SAMD9: variants seen among roughly 807,000 people sequenced by gnomAD.
SAMD9 encodes sterile alpha motif domain containing 9.
In SAMD9, 3 loss-of-function variants were observed where a neutral mutation model predicts 1.5. That is an observed-to-expected ratio of 2.05 (90% CI 0.93 to 5.29). The LOEUF is 5.29. SAMD9 is among the 30% of genes most tolerant of loss of function. SAMD9 has a pLI of 0.02. For synonymous variants in SAMD9, 635 were observed against 631.9 expected, an observed-to-expected ratio of 1.00 and a Z score of -0.07; for missense variants, 1,597 against 1,820.8, an observed-to-expected ratio of 0.88 and a Z score of 2.24.
Position 93,103,893 on chromosome 7 carries a change from C to T in SAMD9, c.2205G>A (p.Leu735=), listed in dbSNP as rs1225977937. 6.2e-7 allele frequency: 1 copy of T among 1,613,924 alleles called. No homozygotes were observed. Among genetic ancestry groups the T allele is most frequent in the South Asian group, 1.1e-5 (1 of 91,082 alleles). ...SKPTSTKIIH[L]YHHPGCGGTT... ...TTCCCCCACAGCCTGGATGATGATA[C>T]AGATGAATAATTTTGGTACTTGTTG... Residue 735 remains leucine (L), a synonymous_variant, in exon 3 of 3, where the codon CTG becomes CTA. Transcript: ENST00000379958.
chr7:93,112,266 T>A (rs1388013487), intron 2 of SAMD9, among the ~76,000 whole-genome samples: 1 of 152,234 alleles, frequency 6.6e-6, no homozygotes, highest in East Asian at 1.9e-4. Flanking sequence ...CCTTTCATGC[T>A]AAAAACTCTC....
chr7:93,113,113 C>T (rs866347725), intron 2 of SAMD9, among the ~76,000 whole-genome samples: 4 of 152,180 alleles, frequency 2.6e-5, no homozygotes, highest in Middle Eastern at 3.4e-3. Flanking sequence ...GAGATATAGA[C>T]CAATGGAACA....
Position 93,101,433 on chromosome 7 carries a change from G to T in SAMD9, c.4665C>A (p.Pro1555=), listed in dbSNP as rs757992368. 1.2e-6 allele frequency: 2 copies of T among 1,613,644 alleles called. No individual in the cohort carries two copies. The highest frequency in any genetic ancestry group is 1.1e-5 in the South Asian group (1 of 91,062). ...CACTTCTAAGTTGACCTAAAAAAGC[G>T]GGAGTGATGGGTATTGTGATTTTTT... ...INEKITIPIT[P]AFLGQLRSGR... Residue 1555 remains proline, a synonymous_variant, in exon 3 of 3, where the codon CCC becomes CCA. Coordinates refer to ENST00000379958, the MANE Select transcript of SAMD9 (RefSeq NM_017654.4).
Position 93,104,258 on chromosome 7 carries a change from T to C in SAMD9, c.1840A>G (p.Ile614Val), listed in dbSNP as rs770928576. The change falls in exon 3 of 3, where the codon ATC becomes GTC. Residue 614 changes from isoleucine (I) to valine (V), a missense_variant. By Grantham distance (29) the Ile-to-Val change is conservative. Around this residue, in one of 6 missense-constraint regions of SAMD9, gnomAD observed 358 missense variants for 460.4 expected, o/e 0.78. Transcript: ENST00000379958. ...QCISALSLEEINGTILKLKSV... is the reference protein window; with the variant it reads ...QCISALSLEEVNGTILKLKSV... ...TTTAGTTTAAGAATAGTGCCATTGA[T>C]CTCTTCAAGGCTTAAAGCAGAAATA... 1 of 1,613,784 alleles carries C rather than the reference T, an allele frequency of 6.2e-7. No homozygotes were observed. Among genetic ancestry groups the C allele is most frequent in the Non-Finnish European group, 8.5e-7 (1 of 1,179,786 alleles).
In SAMD9 at chr7:93,105,962, A is replaced by G. The variant is rs1311178889; in HGVS notation, c.136T>C (p.Leu46=). The change falls in exon 3 of 3, where the codon TTG becomes CTG. Residue 46 remains leucine, a synonymous_variant. Coordinates refer to ENST00000379958, the MANE Select transcript of SAMD9 (RefSeq NM_017654.4). Reference sequence around the variant, plus strand: ...AGATGTTCTTTTTTTAACCACTTCAAGACTGCTCCATTCACGTCTTGTTCA... The same window carrying G: ...AGATGTTCTTTTTTTAACCACTTCAGGACTGCTCCATTCACGTCTTGTTCA... ...LTEQDVNGAV[L]KWLKKEHLVD... is the part of the protein sequence containing the mutation. 1.2e-6 allele frequency: 2 copies of G among 1,608,660 alleles called. No individual in the cohort carries two copies. Among genetic ancestry groups the G allele is most frequent in the Non-Finnish European group, 1.7e-6 (2 of 1,177,414 alleles).
chr7:93,100,188 A>G lies in SAMD9; in HGVS notation c.*1140T>C, dbSNP rs1791504255. On this transcript the variant is annotated 3_prime_UTR_variant, in exon 3 of 3. Transcript: ENST00000379958. ...TCCTGTGAATTTCCCCTTTCTGGAT[A>G]TTGCTGATTGCATATTTGTGGTGGT... is the stretch of plus-strand genomic sequence containing the variant. 1 of 152,146 alleles carries G rather than the reference A, an allele frequency of 6.6e-6. No individual in the cohort carries two copies. The highest frequency in any genetic ancestry group is 1.5e-5 in the Non-Finnish European group (1 of 68,010). The allele number at this position is 152,146 out of a possible 1,614,324, so 9.4% of individuals were successfully genotyped here.
chr7:93,106,198 TA>T, intron 2 of SAMD9, 93 bp from the exon 3 acceptor site: 1 of 795,382 alleles, frequency 1.3e-6, no homozygotes, highest in Non-Finnish European at 1.8e-6. Context: ...TTTCAAAATT[TA>T]AAAAGCTCAA....
intron 1 of SAMD9, among the ~76,000 whole-genome samples, chr7:93,115,624 G>A (rs970638240): frequency 5.9e-5 from 9 of 152,010 alleles, no homozygotes; most frequent in Admixed American, 3.9e-4. Flanking sequence ...ATTTCATAAA[G>A]GCTTACCCTT....
chr7:93,109,690 T>C (rs1217651927), intron 2 of SAMD9, among the ~76,000 whole-genome samples: 2 of 152,006 alleles, frequency 1.3e-5, no homozygotes, highest in African/African-American at 4.8e-5. Context: ...TTCTATCAAG[T>C]GGAAGAAAGG....
rs1178024491 is a variant in SAMD9, at chr7:93,101,635, C to G, written c.4463G>C (p.Arg1488Thr). 6.2e-7 allele frequency: 1 copy of G among 1,613,832 alleles called. No homozygotes were observed. The highest frequency in any genetic ancestry group is 1.7e-5 in the Admixed American group (1 of 60,002). Residue 1488 changes from arginine to threonine, a missense_variant, in exon 3 of 3, where the codon AGA (arginine) becomes ACA (threonine). Transcript: ENST00000379958. ...IAYFFLGKGK[R>T]LERLVHKGKI... ...TCCTTTGTGAACAAGTCTTTCCAGT[C>G]TTTTACCTTTTCCAAGAAAGAAATA...
At chr7:93,109,413 C>G (rs1375454301) in intron 2 of SAMD9, among the ~76,000 whole-genome samples, 3 of 152,046 alleles carry the variant, frequency 2.0e-5, no homozygotes, top group African/African-American at 7.2e-5. Context: ...CAAAGGAATG[C>G]AACTCCTCGC....
Position 93,100,273 on chromosome 7 carries a change from A to G in SAMD9, c.*1055T>C, listed in dbSNP as rs1319059868. ...GCAAATAAGATCCAGAGACCTGATC[A>G]AATTCAGGTTTAATTATTTGGCAAG... On this transcript the variant is annotated 3_prime_UTR_variant, in exon 3 of 3. Transcript: ENST00000379958. 1 of 152,178 alleles carries G rather than the reference A, an allele frequency of 6.6e-6. No homozygotes were observed. The highest frequency in any genetic ancestry group is 1.5e-5 in the Non-Finnish European group (1 of 68,022). The allele number at this position is 152,178 out of a possible 1,614,324, so 9.4% of individuals were successfully genotyped here.
At chr7:93,110,345 G>A (rs900636515) in intron 2 of SAMD9, among the ~76,000 whole-genome samples, 2 of 152,236 alleles carry the variant, frequency 1.3e-5, no homozygotes, top group Non-Finnish European at 2.9e-5. Flanking sequence ...ACCAGCCACT[G>A]CAAAAACATG....
chr7:93,111,766 T>C (rs1184817682), intron 2 of SAMD9, among the ~76,000 whole-genome samples: 13 of 152,160 alleles, frequency 8.5e-5, no homozygotes, highest in Admixed American at 7.9e-4. Flanking sequence ...AGGAAGAAGT[T>C]GAATCCCTGA....
intron 2 of SAMD9, among the ~76,000 whole-genome samples, chr7:93,107,431 GA>G (rs1791665386): frequency 6.6e-6 from 1 of 152,084 alleles, no homozygotes; most frequent in Non-Finnish European, 1.5e-5. Context: ...ACTACTATCT[GA>G]AAAATTAATG....
Position 93,101,661 on chromosome 7 carries a change from T to C in SAMD9, c.4437A>G (p.Ala1479=), listed in dbSNP as rs1282397268. The C allele has an allele frequency of 1.2e-6, 2 of 1,613,866 alleles. No individual in the cohort carries two copies. The highest frequency in any genetic ancestry group is 1.7e-5 in the Admixed American group (1 of 60,012). The change falls in exon 3 of 3, where the codon GCA becomes GCG. Residue 1479 remains alanine, a synonymous_variant. Transcript: ENST00000379958. ...KHMHRTKQPI[A]YFFLGKGKRL... ...TTTTACCTTTTCCAAGAAAGAAATA[T>C]GCAATTGGTTGCTTTGTACGATGCA... is the stretch of plus-strand genomic sequence containing the variant.
At chr7:93,114,445 T>C (rs1471284294) in intron 2 of SAMD9, among the ~76,000 whole-genome samples, 3 of 152,154 alleles carry the variant, frequency 2.0e-5, no homozygotes, top group African/African-American at 7.2e-5. Flanking sequence ...ACTTAAAGTA[T>C]AGTTTTTTAA....
At chr7:93,113,424 C>T (rs957607624) in intron 2 of SAMD9, among the ~76,000 whole-genome samples, 1 of 152,184 alleles carries the variant, frequency 6.6e-6, no homozygotes, top group Non-Finnish European at 1.5e-5. Flanking sequence ...ACACCAAAAG[C>T]AATGGCAACA....
chr7:93,104,345 C>T lies in SAMD9; in HGVS notation c.1753G>A (p.Gly585Arg), dbSNP rs1478284015. Residue 585 changes from glycine to arginine, a missense_variant, in exon 3 of 3, where the codon GGA becomes AGA. Around this residue, in one of 6 missense-constraint regions of SAMD9, gnomAD observed 358 missense variants for 460.4 expected, o/e 0.78. Transcript: ENST00000379958. ...CTTGCTTCAAGTAGATCTTTCCATC[C>T]CTGAAATATGTGTGGGTGCACACAA... ...CICVHPHIFQGWKDLLEARLI... is the reference protein window; with the variant it reads ...CICVHPHIFQRWKDLLEARLI... 6.2e-6 allele frequency: 10 copies of T among 1,613,706 alleles called. No individual in the cohort carries two copies. Among genetic ancestry groups the T allele is most frequent in the Non-Finnish European group, 8.5e-6 (10 of 1,179,796 alleles).
Sources: allele counts gnomAD v4.1 joint callset (sites outside exome capture counted in the v4.1 genomes callset), GRCh38; gene constraint gnomAD v4.1.1; regional missense constraint gnomAD v4.1.1; transcripts MANE v1.5; gene names NCBI Gene and HGNC (gene_info 2026-07-23, HGNC 2026-07-21).